Variants in HNF4G observed in about 807,000 individuals in gnomAD.
HNF4G encodes hepatocyte nuclear factor 4 gamma.
Under a neutral mutation model 50.9 loss-of-function variants are expected in HNF4G, and 21 were observed. The ratio of observed to expected loss-of-function variants is 0.41; its 90% CI spans 0.29 to 0.59. The LOEUF is 0.59. HNF4G is among the 20% of genes least tolerant of loss of function. The probability of loss-of-function intolerance (pLI) is 0.26; values close to 1 mark genes in which losing one functional copy is unlikely to be tolerated. For missense variants in HNF4G, 527 were observed against 559.4 expected, an observed-to-expected ratio of 0.94 and a Z score of 0.58; for synonymous variants, 198 against 185.6, an observed-to-expected ratio of 1.07 and a Z score of -0.54.
intron 8 of HNF4G, among the ~76,000 whole-genome samples, chr8:75,559,297 CAG>C (rs1273261818): frequency 6.8e-6 from 1 of 146,912 alleles, no homozygotes; most frequent in Admixed American, 6.8e-5. Context: ...TTTTTTAAGA[CAG>C]AGTCTCGCTC....
chr8:75,524,318 T>A (rs1385910338), intron 2 of HNF4G, among the ~76,000 whole-genome samples: 1 of 152,170 alleles, frequency 6.6e-6, no homozygotes, highest in Non-Finnish European at 1.5e-5. Context: ...GGGAGGCATA[T>A]AAATGGAAAC....
intron 2 of HNF4G, among the ~76,000 whole-genome samples, chr8:75,513,218 A>G (rs1805804376): frequency 6.6e-6 from 1 of 151,900 alleles, no homozygotes. Context: ...TTGTATTTTT[A>G]GTAGAGATGG....
intron 1 of HNF4G, among the ~76,000 whole-genome samples, chr8:75,470,596 T>C (rs759720560): frequency 6.6e-6 from 1 of 152,172 alleles, no homozygotes; most frequent in Non-Finnish European, 1.5e-5. Flanking sequence ...TGGGAATATT[T>C]TATTAAGTCC....
intron 2 of HNF4G, among the ~76,000 whole-genome samples, chr8:75,506,011 G>T (rs1032332020): frequency 1.3e-5 from 2 of 151,476 alleles, no homozygotes; most frequent in Non-Finnish European, 3.0e-5. Context: ...TAGTATAGAG[G>T]GTTATTTTTC....
At chr8:75,442,381 A>G (rs867911484) in intron 1 of HNF4G, among the ~76,000 whole-genome samples, 1 of 152,080 alleles carries the variant, frequency 6.6e-6, no homozygotes, top group Non-Finnish European at 1.5e-5. Context: ...TAAATAGGCA[A>G]GACTTTTAAA....
At chr8:75,472,518 T>A (rs1209460849) in intron 1 of HNF4G, among the ~76,000 whole-genome samples, 1 of 152,202 alleles carries the variant, frequency 6.6e-6, no homozygotes. Context: ...AGTGGTGAGC[T>A]AAGACTAGAA....
intron 1 of HNF4G, among the ~76,000 whole-genome samples, chr8:75,464,240 T>C (rs1170191595): frequency 6.6e-6 from 1 of 151,746 alleles, no homozygotes; most frequent in Non-Finnish European, 1.5e-5. Flanking sequence ...TCTCTCTCTT[T>C]TTTTTTTAAC....
intron 2 of HNF4G, among the ~76,000 whole-genome samples, chr8:75,533,018 G>T (rs1455531399): frequency 2.0e-5 from 3 of 151,896 alleles, no homozygotes; most frequent in African/African-American, 4.8e-5. Flanking sequence ...AGCTCCATGA[G>T]GGCAGGGATT....
At position 75,562,099 on chromosome 8, in the gene HNF4G, A is replaced by G. The variant is rs1044855253; in HGVS notation, c.1246+1633A>G. Among the ~76,000 whole-genome samples, 4 of 151,676 alleles carry G rather than the reference A, an allele frequency of 2.6e-5. No homozygotes were observed. The South Asian group carries it at 6.2e-4, about 24-fold the overall frequency. Reference sequence around the variant, plus strand: ...ACTATTATGCATACACTTATTGCCTACTGAATTTACAATAGTCTTTAATAG... The same window carrying G: ...ACTATTATGCATACACTTATTGCCTGCTGAATTTACAATAGTCTTTAATAG... On this transcript the variant is annotated intron_variant, in intron 9 of 9. Transcript: ENST00000396423.
intron 2 of HNF4G, among the ~76,000 whole-genome samples, chr8:75,497,049 G>T (rs2926583): frequency 0.28 from 42,654 of 151,944 alleles, 7,466 homozygotes; most frequent in African/African-American, 0.5. Flanking sequence ...TACAGCCCTT[G>T]GCTTGTTTCT....
intron 1 of HNF4G, among the ~76,000 whole-genome samples, chr8:75,461,870 C>T (rs74644286): frequency 1.1e-5 from 1 of 93,242 alleles, no homozygotes; most frequent in East Asian, 2.6e-4. Context: ...AATATGGTCT[C>T]TTTAAAAAAA....
At position 75,443,996 on chromosome 8, in the gene HNF4G, AG is replaced by A. The variant is rs1811357524; in HGVS notation, c.-144+35835del. Among the ~76,000 whole-genome samples the A allele has an allele frequency of 2.0e-5, 3 of 152,232 alleles. No homozygotes were observed. In the South Asian group the frequency reaches 6.2e-4, roughly 32 times the overall value. On this transcript the variant is annotated intron_variant, in intron 1 of 10. Coordinates refer to the HNF4G transcript ENST00000354370. ...GAATAGAGCAATGAAACAACATAAAAGCTCTGAAAGAAAACCTAGGGCAGCC... is the reference window on the plus strand; with the variant it reads ...GAATAGAGCAATGAAACAACATAAAACTCTGAAAGAAAACCTAGGGCAGCC...
chr8:75,423,916 C>T (rs1432276402), intron 1 of HNF4G, among the ~76,000 whole-genome samples: 1 of 143,322 alleles, frequency 7.0e-6, no homozygotes, highest in South Asian at 2.2e-4. Flanking sequence ...CTCAACTTCC[C>T]GGGTTCAAGC....
intron 1 of HNF4G, among the ~76,000 whole-genome samples, chr8:75,438,468 C>G (rs182008738): frequency 4.6e-5 from 7 of 152,120 alleles, no homozygotes; most frequent in Non-Finnish European, 1.5e-5. Flanking sequence ...TCCAGACTGA[C>G]GGAATACAGA....
intron 1 of HNF4G, among the ~76,000 whole-genome samples, chr8:75,456,919 A>ATTAT (rs1554571309): frequency 6.6e-6 from 1 of 151,908 alleles, no homozygotes. Flanking sequence ...TAAAAAAAAA[A>ATTAT]TTATTTGTAG....
chr8:75,507,543 G>A (rs1307500542), intron 2 of HNF4G, among the ~76,000 whole-genome samples: 1 of 152,202 alleles, frequency 6.6e-6, no homozygotes, highest in Non-Finnish European at 1.5e-5. Context: ...ACAGGCGTGA[G>A]CCACTGTGCC....
At chr8:75,563,731 G>T (rs1184794896) in intron 9 of HNF4G, among the ~76,000 whole-genome samples, 1 of 150,954 alleles carries the variant, frequency 6.6e-6, no homozygotes, top group Non-Finnish European at 1.5e-5. Flanking sequence ...ACACCTTAAA[G>T]TAACTATGAA....
At chr8:75,423,773 C>T (rs1296727971) in intron 1 of HNF4G, among the ~76,000 whole-genome samples, 1 of 146,850 alleles carries the variant, frequency 6.8e-6, no homozygotes, top group Non-Finnish European at 1.5e-5. Flanking sequence ...CTATCCAGCA[C>T]ACATATACTT....
At position 75,427,643 on chromosome 8, in the gene HNF4G, T is replaced by G. The variant is rs1810919250; in HGVS notation, c.-144+19481T>G. ...CTCATCTAGTATAGTACTTTACAGA[T>G]AGCGAATGCCTTGTTAAGTATTTGT... On this transcript the variant is annotated intron_variant, in intron 1 of 10. Coordinates refer to the HNF4G transcript ENST00000354370. Among the ~76,000 whole-genome samples the G allele has an allele frequency of 3.3e-5, 5 of 151,792 alleles. No individual in the cohort carries two copies. In the South Asian group the frequency reaches 1.0e-3, roughly 32 times the overall value.
Sources: gnomAD v4.1 joint callset for allele counts (sites outside exome capture counted in the v4.1 genomes callset) on GRCh38, gnomAD v4.1.1 for gene constraint, MANE v1.5 for transcripts, NCBI Gene and HGNC (gene_info 2026-07-23, HGNC 2026-07-21) for gene names.